Variants in CA13 observed in about 807,000 individuals in gnomAD.
CA13 encodes the protein CA-XIII.
In CA13, 21 loss-of-function variants were observed where a neutral mutation model predicts 31.5. The ratio of observed to expected loss-of-function variants is 0.67; its 90% CI spans 0.47 to 0.96. The LOEUF (loss-of-function observed/expected upper bound fraction) is 0.96. CA13 is among the 40% of genes least tolerant of loss of function. CA13 has a pLI of 0.00. For missense variants in CA13, 315 were observed against 318.9 expected, an observed-to-expected ratio of 0.99 and a Z score of 0.09; for synonymous variants, 117 against 111.4, an observed-to-expected ratio of 1.05 and a Z score of -0.32.
rs1423806072 is a variant in CA13 at position 85,282,316 on chromosome 8, G to T, written c.*967G>T. 1 of 152,604 alleles carries T rather than the reference G, an allele frequency of 6.6e-6. No individual in the cohort carries two copies. The highest frequency in any genetic ancestry group is 6.5e-5 in the Admixed American group (1 of 15,284). 9.5% of individuals were successfully genotyped at this position (152,604 alleles called of 1,614,324 possible). On this transcript the variant is annotated 3_prime_UTR_variant, in exon 7 of 7. Coordinates refer to ENST00000321764, the MANE Select transcript of CA13 (RefSeq NM_198584.3). Reference sequence around the variant, plus strand: ...CAGGATATAAATGGCTATTTACACTGTAATGAATTATACCATATATGATAT... The same window carrying T: ...CAGGATATAAATGGCTATTTACACTTTAATGAATTATACCATATATGATAT...
intron 2 of CA13, among the ~76,000 whole-genome samples, chr8:85,252,255 C>CAAAAAAAAAAAAAAA (rs1177337198): frequency 3.3e-5 from 5 of 151,702 alleles, no homozygotes; most frequent in Non-Finnish European, 7.4e-5. Flanking sequence ...GATCCTGTCT[C>CAAAAAAAAAAAAAAA]AAAAGATAAA....
At chr8:85,273,000 T>C (rs1587544279) in intron 6 of CA13, among the ~76,000 whole-genome samples, 1 of 152,278 alleles carries the variant, frequency 6.6e-6, no homozygotes, top group East Asian at 1.9e-4. Flanking sequence ...GTATTTTTAG[T>C]AGAGACAGGG....
rs1807738486 is a variant in CA13 at position 85,283,508 on chromosome 8, A to G, written c.*2159A>G. 6.5e-6 allele frequency: 1 copy of G among 152,680 alleles called. No homozygotes were observed. Among genetic ancestry groups the G allele is most frequent in the South Asian group, 2.1e-4 (1 of 4,824 alleles). The allele number at this position is 152,680 out of a possible 1,614,324, so 9.5% of individuals were successfully genotyped here. A position where few individuals can be genotyped will look rare whatever the true frequency, so the allele number is the denominator to read the frequency against. On this transcript the variant is annotated 3_prime_UTR_variant, in exon 7 of 7. Transcript: ENST00000321764. ...ATTAAATGCACTATAAGTTAATATA[A>G]CAAGTAAAATACATTGTCTTTTGAA...
chr8:85,263,587 G>A (rs912040160), intron 3 of CA13, among the ~76,000 whole-genome samples: 1 of 152,068 alleles, frequency 6.6e-6, no homozygotes, highest in South Asian at 2.1e-4. Flanking sequence ...CATGATTGAA[G>A]GAAGGAAAAA....
chr8:85,278,410 A>C (rs976447519), intron 6 of CA13, among the ~76,000 whole-genome samples: 23 of 152,140 alleles, frequency 1.5e-4, no homozygotes, highest in Admixed American at 6.6e-5. Flanking sequence ...CACCCCTCCC[A>C]AAACTGGCTT....
At chr8:85,250,997 T>G in intron 2 of CA13, 60 bp downstream of exon 2, 1 of 1,121,480 alleles carries the variant, frequency 8.9e-7, no homozygotes, top group Non-Finnish European at 1.3e-6. Context: ...GATTAGACTA[T>G]ACTCTTTTTT....
intron 2 of CA13, 34 bp from the exon 3 acceptor site, chr8:85,259,387 C>T (rs755234729): frequency 1.3e-6 from 2 of 1,542,464 alleles, no homozygotes; most frequent in East Asian, 2.2e-5. Flanking sequence ...AATATTTTTT[C>T]CTTGCTAACA....
Position 85,282,498 on chromosome 8 carries a change from T to G in CA13, c.*1149T>G, listed in dbSNP as rs1807722851. 1 of 152,414 alleles carries G rather than the reference T, an allele frequency of 6.6e-6. No individual in the cohort carries two copies. Among genetic ancestry groups the G allele is most frequent in the Non-Finnish European group, 1.5e-5 (1 of 68,044 alleles). The allele number at this position is 152,414 out of a possible 1,614,324, so 9.4% of individuals were successfully genotyped here. A position where few individuals can be genotyped will look rare whatever the true frequency, so the allele number is the denominator to read the frequency against. On this transcript the variant is annotated 3_prime_UTR_variant, in exon 7 of 7. Coordinates refer to ENST00000321764, the MANE Select transcript of CA13 (RefSeq NM_198584.3). ...GATGAACATGTGGCCCGTTTTTGCC[T>G]GGTGTTTTGGCAGCAAAGCAGGAAG...
intron 3 of CA13, among the ~76,000 whole-genome samples, chr8:85,263,150 G>A (rs553768142): frequency 6.6e-6 from 1 of 152,164 alleles, no homozygotes; most frequent in Admixed American, 6.5e-5. Context: ...TAAGGCAGGA[G>A]TGAGGCTGGC....
At chr8:85,261,509 C>G (rs1807379633) in intron 3 of CA13, among the ~76,000 whole-genome samples, 1 of 151,846 alleles carries the variant, frequency 6.6e-6, no homozygotes, top group Non-Finnish European at 1.5e-5. Context: ...TTACTGCAAC[C>G]TCTGCCTCCT....
chr8:85,277,058 G>A (rs924748062), intron 6 of CA13, among the ~76,000 whole-genome samples: 2 of 152,108 alleles, frequency 1.3e-5, no homozygotes, highest in East Asian at 1.9e-4. Context: ...TAGACCACTC[G>A]GCTCTCTGTA....
At chr8:85,273,046 G>C (rs201710015) in intron 6 of CA13, among the ~76,000 whole-genome samples, 8 of 152,170 alleles carry the variant, frequency 5.3e-5, no homozygotes, top group Non-Finnish European at 1.2e-4. Flanking sequence ...TCAAACTCCC[G>C]ACTTCAAGTG....
chr8:85,245,939 G>A (rs930878447), intron 1 of CA13, 74 bp downstream of exon 1: 1 of 1,546,760 alleles, frequency 6.5e-7, no homozygotes, highest in Non-Finnish European at 8.9e-7. Context: ...CCCGGCGCTC[G>A]CTGACCACAC....
intron 6 of CA13, among the ~76,000 whole-genome samples, chr8:85,272,164 G>C (rs924190633): frequency 1.3e-5 from 2 of 152,150 alleles, no homozygotes; most frequent in African/African-American, 4.8e-5. Context: ...GGCAACAACT[G>C]ATGTGCTGTC....
chr8:85,247,650 A>G (rs1212095163), intron 1 of CA13, among the ~76,000 whole-genome samples: 1 of 152,140 alleles, frequency 6.6e-6, no homozygotes, highest in Non-Finnish European at 1.5e-5. Context: ...GCTCACTGCC[A>G]TCTCCCTCTC....
At chr8:85,250,211 C>T (rs548869988) in intron 1 of CA13, among the ~76,000 whole-genome samples, 2 of 152,310 alleles carry the variant, frequency 1.3e-5, no homozygotes, top group East Asian at 3.9e-4. Context: ...TTGCACATCA[C>T]AGGTAATTGA....
intron 2 of CA13, among the ~76,000 whole-genome samples, chr8:85,254,252 T>G (rs1807245792): frequency 6.9e-6 from 1 of 145,296 alleles, no homozygotes; most frequent in African/African-American, 2.6e-5. Context: ...CACTCCAGCC[T>G]GGGCAACAGA....
At chr8:85,267,527 G>T (rs1807474541) in intron 4 of CA13, among the ~76,000 whole-genome samples, 1 of 152,126 alleles carries the variant, frequency 6.6e-6, no homozygotes, top group Admixed American at 6.5e-5. Context: ...TTGTCCGTTT[G>T]AATTGAGGGG....
chr8:85,255,435 T>C (rs1333103535), intron 2 of CA13, among the ~76,000 whole-genome samples: 4 of 152,094 alleles, frequency 2.6e-5, no homozygotes, highest in African/African-American at 9.7e-5. Context: ...ACTAATTTTT[T>C]GTATTTTTAG....
Sources: allele counts gnomAD v4.1 joint callset (sites outside exome capture counted in the v4.1 genomes callset), GRCh38; gene constraint gnomAD v4.1.1; transcripts MANE v1.5; gene names NCBI Gene and HGNC (gene_info 2026-07-23, HGNC 2026-07-21).